ANK2: variants seen among roughly 807,000 people sequenced by gnomAD.
The protein encoded by ANK2 is ankyrin 2.
ANK2 carries 83 observed loss-of-function variants against 360.5 expected under a neutral mutation model. That is an observed-to-expected ratio of 0.23 (90% CI 0.19 to 0.28). The LOEUF (loss-of-function observed/expected upper bound fraction) is 0.28, where lower values mean the gene tolerates loss of function less well. ANK2 is among the 10% of genes least tolerant of loss of function. The pLI, the probability that ANK2 is intolerant of heterozygous loss-of-function variation, is 1.00. For missense variants in ANK2, 4,201 were observed against 4,795.7 expected (o/e 0.88, Z 3.66); for synonymous variants, 1,740 against 1,759.5 (o/e 0.99, Z 0.28).
At chr4:112,822,546 G>C (rs1321096055) in intron 1 of ANK2, among the ~76,000 whole-genome samples, 2 of 151,822 alleles carry the variant, frequency 1.3e-5, no homozygotes, top group African/African-American at 4.8e-5. Flanking sequence ...AGGAGTTCGA[G>C]ACCAGCTTGA....
At chr4:112,894,714 A>T (rs2150733844) in intron 1 of ANK2, among the ~76,000 whole-genome samples, 1 of 152,292 alleles carries the variant, frequency 6.6e-6, no homozygotes, top group East Asian at 1.9e-4. Flanking sequence ...CCTAGAACTC[A>T]CTGCTCCACT....
intron 1 of ANK2, among the ~76,000 whole-genome samples, chr4:112,857,210 G>T (rs746124354): frequency 6.6e-6 from 1 of 151,596 alleles, no homozygotes; most frequent in Non-Finnish European, 1.5e-5. Context: ...AGTAGGAGGA[G>T]AAAAAAAAGT....
At chr4:113,327,198 T>C (rs573072510) in intron 26 of ANK2, among the ~76,000 whole-genome samples, 2 of 152,196 alleles carry the variant, frequency 1.3e-5, no homozygotes, top group African/African-American at 4.8e-5. Context: ...CCATCTTTGG[T>C]CTTTCTTCAT....
rs1349124591 is a variant in ANK2, at chr4:113,219,392, AAT to A, written c.385-12767_385-12766del. 3.9e-5 allele frequency among the ~76,000 whole-genome samples: 6 copies of A among 151,940 alleles called. No individual in the cohort carries two copies. The East Asian group carries it at 9.7e-4, about 25-fold the overall frequency. ...TATTTAAATTAATTATGCATATAAAAATAAAGGCATTTATATATTATTATAAA... is the reference window on the plus strand; with the variant it reads ...TATTTAAATTAATTATGCATATAAAAAAAGGCATTTATATATTATTATAAA... On this transcript the variant is annotated intron_variant, in intron 4 of 45. Coordinates refer to ENST00000357077, the MANE Select transcript of ANK2 (RefSeq NM_001148.6).
intron 4 of ANK2, among the ~76,000 whole-genome samples, chr4:113,229,362 G>A (rs1000049225): frequency 1.3e-5 from 2 of 152,174 alleles, no homozygotes; most frequent in African/African-American, 4.8e-5. Flanking sequence ...CAGCAGTGTA[G>A]CATCTTCTCT....
At chr4:113,294,952 A>G (rs532312982) in intron 22 of ANK2, among the ~76,000 whole-genome samples, 58 of 152,324 alleles carry the variant, frequency 3.8e-4, no homozygotes, top group African/African-American at 1.3e-3. Context: ...AACAAGGTGT[A>G]CATCACAATA....
At chr4:113,365,759 C>G (rs2096504351) in intron 41 of ANK2, among the ~76,000 whole-genome samples, 1 of 151,588 alleles carries the variant, frequency 6.6e-6, no homozygotes, top group South Asian at 2.1e-4. Flanking sequence ...TTATTTATAC[C>G]CAGCTGATGA....
chr4:113,071,091 A>G (rs1181662054), intron 1 of ANK2, among the ~76,000 whole-genome samples: 1 of 152,206 alleles, frequency 6.6e-6, no homozygotes, highest in Admixed American at 6.5e-5. Context: ...TTCATTTTAA[A>G]TTGAGATGAC....
intron 1 of ANK2, among the ~76,000 whole-genome samples, chr4:112,824,292 G>A (rs1015074604): frequency 2.0e-5 from 3 of 151,968 alleles, no homozygotes; most frequent in African/African-American, 7.3e-5. Flanking sequence ...CGATCTTCCA[G>A]CCTCAGCCTC....
chr4:113,356,521 G>A lies in ANK2; in HGVS notation c.7903G>A (p.Asp2635Asn), dbSNP rs1220171485. Residue 2635 changes from aspartate to asparagine, a missense_variant, in exon 38 of 46, where the codon GAT (aspartate) becomes AAT (asparagine). Around this residue, in one of 4 missense-constraint regions of ANK2, gnomAD observed 2,642 missense variants for 2,714.5 expected, o/e 0.97. Transcript: ENST00000357077. Reference sequence around the variant, plus strand: ...AGATGCTGACTGTTCAGTAGATGTGGATGAACCAAAACATACAGGCAGTGG... The same window carrying A: ...AGATGCTGACTGTTCAGTAGATGTGAATGAACCAAAACATACAGGCAGTGG... ...DPDADCSVDV[D>N]EPKHTGSGED... 2 of 1,614,002 alleles carry A rather than the reference G, an allele frequency of 1.2e-6. No individual in the cohort carries two copies. The highest frequency in any genetic ancestry group is 3.3e-5 in the Admixed American group (2 of 60,000).
intron 1 of ANK2, among the ~76,000 whole-genome samples, chr4:113,094,366 G>A (rs1004074553): frequency 7.2e-5 from 11 of 152,198 alleles, no homozygotes; most frequent in Admixed American, 1.3e-4. Flanking sequence ...GACTTCAGCC[G>A]TTAGAAAAAA....
the ANK2 span, among the ~76,000 whole-genome samples, chr4:112,748,935 T>C: frequency 6.6e-6 from 1 of 152,240 alleles, no homozygotes; most frequent in African/African-American, 2.4e-5. Context: ...GTTTCGCTCT[T>C]GTCACCCAGG....
rs2093616690 is a variant in ANK2, at chr4:113,336,913, A to G, written c.3796+132A>G. 19 of 879,320 alleles carry G rather than the reference A, an allele frequency of 2.2e-5. No individual in the cohort carries two copies. In the South Asian group the frequency reaches 2.6e-4, roughly 12 times the overall value. The allele number at this position is 879,320 out of a possible 1,614,324, so 54.5% of individuals were successfully genotyped here. A position where few individuals can be genotyped will look rare whatever the true frequency, so the allele number is the denominator to read the frequency against. On this transcript the variant is annotated intron_variant, in intron 31 of 45. Coordinates refer to ENST00000357077, the MANE Select transcript of ANK2 (RefSeq NM_001148.6). The stretch of plus-strand genomic sequence containing the variant: ...TTAATTCAGGGAATACATTTTAATT[A>G]ACTAGGGAAATGAAAGGTGAAAGGA...
intron 10 of ANK2, among the ~76,000 whole-genome samples, chr4:113,251,248 G>A (rs899958158): frequency 3.3e-5 from 5 of 152,212 alleles, no homozygotes; most frequent in Admixed American, 6.5e-5. Context: ...GCTTGTAATT[G>A]TCATGTCACT....
intron 41 of ANK2, among the ~76,000 whole-genome samples, chr4:113,365,849 A>T (rs972270425): frequency 6.6e-6 from 1 of 152,162 alleles, no homozygotes. Context: ...ATCTACCAAC[A>T]TGAGTGCATC....
At chr4:113,239,500 A>G (rs1330471767) in intron 7 of ANK2, among the ~76,000 whole-genome samples, 1 of 152,150 alleles carries the variant, frequency 6.6e-6, no homozygotes, top group Admixed American at 6.5e-5. Flanking sequence ...TAGCCAAATA[A>G]CAGTTTCTAT....
intron 33 of ANK2, among the ~76,000 whole-genome samples, chr4:113,342,624 C>G (rs1024922830): frequency 2.0e-5 from 3 of 151,612 alleles, no homozygotes; most frequent in Admixed American, 2.0e-4. Context: ...TGCTTGAACC[C>G]GGGAGGCGGA....
At chr4:112,922,190 T>A (rs1483337427) in intron 2 of ANK2, among the ~76,000 whole-genome samples, 3 of 151,990 alleles carry the variant, frequency 2.0e-5, no homozygotes, top group Non-Finnish European at 2.9e-5. Context: ...TCTTTAAGAG[T>A]TTTTAGGACA....
At chr4:113,308,220 A>G (rs1449258030) in intron 23 of ANK2, among the ~76,000 whole-genome samples, 1 of 152,230 alleles carries the variant, frequency 6.6e-6, no homozygotes, top group African/African-American at 2.4e-5. Flanking sequence ...ATTATTTTAA[A>G]TCATCTTTTC....
Sources: gnomAD v4.1 joint callset for allele counts (sites outside exome capture counted in the v4.1 genomes callset) on GRCh38, gnomAD v4.1.1 for gene constraint, gnomAD v4.1.1 regional missense constraint, MANE v1.5 for transcripts, NCBI Gene and HGNC (gene_info 2026-07-23, HGNC 2026-07-21) for gene names.